The following MIPOL1 variants were observed in gnomAD, a reference collection of about 807,000 sequenced individuals.
MIPOL1 encodes the protein mirror-image polydactyly gene 1 protein.
In MIPOL1, 57 loss-of-function variants were observed where a neutral mutation model predicts 60.9. The observed-to-expected ratio is 0.94, with a 90% CI of 0.76 to 1.17. MIPOL1 has a LOEUF of 1.17. MIPOL1 is among the 50% of genes most tolerant of loss of function. The pLI is 0.00. For missense variants in MIPOL1, 551 were observed against 511.6 expected (o/e 1.08, Z -0.74); for synonymous variants, 179 against 168.8 (o/e 1.06, Z -0.47).
intron 1 of MIPOL1, among the ~76,000 whole-genome samples, chr14:37,230,398 A>G (rs1479750548): frequency 6.6e-6 from 1 of 152,156 alleles, no homozygotes; most frequent in African/African-American, 2.4e-5. Flanking sequence ...TGTTATTGTG[A>G]CCAGTGGAAC....
At chr14:37,380,481 C>A (rs1052143974) in intron 10 of MIPOL1, among the ~76,000 whole-genome samples, 20 of 151,986 alleles carry the variant, frequency 1.3e-4, no homozygotes, top group African/African-American at 4.6e-4. Context: ...ATCATTATAG[C>A]CTATGCAGGT....
At chr14:37,514,623 CT>C (rs753425570) in intron 12 of MIPOL1, among the ~76,000 whole-genome samples, 297 of 143,706 alleles carry the variant, frequency 2.1e-3, no homozygotes, top group Admixed American at 4.8e-3. Flanking sequence ...AAAATATACA[CT>C]TTTTTTTTTT....
At chr14:37,365,677 A>T (rs1210866354) in intron 9 of MIPOL1, among the ~76,000 whole-genome samples, 1 of 151,650 alleles carries the variant, frequency 6.6e-6, no homozygotes, top group African/African-American at 2.4e-5. Flanking sequence ...TCTTTTTTTG[A>T]TGTGTCTTGG....
chr14:37,271,619 A>T (rs1459858130), intron 6 of MIPOL1, among the ~76,000 whole-genome samples: 1 of 151,910 alleles, frequency 6.6e-6, no homozygotes, highest in Non-Finnish European at 1.5e-5. Flanking sequence ...TGTGTGGGAA[A>T]ATATGAAAGT....
At chr14:37,380,289 A>C (rs1254539182) in intron 10 of MIPOL1, among the ~76,000 whole-genome samples, 1 of 152,110 alleles carries the variant, frequency 6.6e-6, no homozygotes, top group Non-Finnish European at 1.5e-5. Flanking sequence ...TTTGTTTTCC[A>C]CAGAATAATT....
At chr14:37,520,761 G>C (rs1462434870) in intron 12 of MIPOL1, among the ~76,000 whole-genome samples, 1 of 151,684 alleles carries the variant, frequency 6.6e-6, no homozygotes, top group Non-Finnish European at 1.5e-5. Context: ...CATGATGTTT[G>C]ACTTCAGCTA....
intron 9 of MIPOL1, among the ~76,000 whole-genome samples, chr14:37,343,412 A>G (rs952003387): frequency 3.3e-5 from 5 of 152,336 alleles, no homozygotes; most frequent in African/African-American, 7.2e-5. Flanking sequence ...AAAAACTTCT[A>G]TAGTCGTAAG....
intron 11 of MIPOL1, among the ~76,000 whole-genome samples, chr14:37,477,045 C>T (rs1410372383): frequency 6.6e-6 from 1 of 151,666 alleles, no homozygotes; most frequent in Non-Finnish European, 1.5e-5. Context: ...AGATTACAGG[C>T]GTGTACCACA....
intron 11 of MIPOL1, among the ~76,000 whole-genome samples, chr14:37,485,522 A>G (rs955883632): frequency 6.6e-6 from 1 of 152,174 alleles, no homozygotes. Context: ...AATGATCACC[A>G]TTCTAACTGG....
At chr14:37,372,545 A>G (rs976310185) in intron 10 of MIPOL1, among the ~76,000 whole-genome samples, 3 of 151,970 alleles carry the variant, frequency 2.0e-5, no homozygotes, top group Admixed American at 2.0e-4. Context: ...CTTGGGGTCA[A>G]GAGTTCTACA....
At chr14:37,288,654 T>TA (rs1876096510) in intron 7 of MIPOL1, among the ~76,000 whole-genome samples, 2 of 152,056 alleles carry the variant, frequency 1.3e-5, no homozygotes, top group African/African-American at 2.4e-5. Flanking sequence ...AAAAATTATT[T>TA]AAAAGATGTA....
intron 1 of MIPOL1, among the ~76,000 whole-genome samples, chr14:37,236,729 C>T (rs756311108): frequency 6.6e-6 from 1 of 152,148 alleles, no homozygotes; most frequent in Non-Finnish European, 1.5e-5. Context: ...TGAGCTACCA[C>T]GCCTGGCCTC....
intron 11 of MIPOL1, among the ~76,000 whole-genome samples, chr14:37,493,306 AT>A: frequency 6.6e-6 from 1 of 152,334 alleles, no homozygotes; most frequent in East Asian, 1.9e-4. Context: ...GAGAATATAA[AT>A]ATCTGCAAGC....
intron 10 of MIPOL1, among the ~76,000 whole-genome samples, chr14:37,415,000 C>G (rs1051911105): frequency 6.6e-6 from 1 of 152,116 alleles, no homozygotes; most frequent in African/African-American, 2.4e-5. Flanking sequence ...CCCCTGCCCC[C>G]AAAACAGAGT....
intron 12 of MIPOL1, among the ~76,000 whole-genome samples, chr14:37,529,642 C>T (rs974974852): frequency 6.6e-6 from 1 of 151,862 alleles, no homozygotes; most frequent in African/African-American, 2.4e-5. Context: ...GGTAATACGG[C>T]GACAAGGAAG....
chr14:37,353,251 G>T (rs1184850961), intron 9 of MIPOL1, among the ~76,000 whole-genome samples: 1 of 141,740 alleles, frequency 7.1e-6, no homozygotes, highest in East Asian at 2.1e-4. Context: ...TCCCAGGGAT[G>T]AAGCCCACTT....
rs57180252 is a variant in MIPOL1, at chr14:37,415,344, C to T, written c.937-7511C>T. 5.6e-3 allele frequency among the ~76,000 whole-genome samples: 849 copies of T among 151,772 alleles called. 12 individuals are homozygous for T. The highest frequency in any genetic ancestry group is 0.019 in the African/African-American group (790 of 41,400). ...GATAAAAATTAGCACAGATTTTGGC[C>T]GGGCATGGTGGCTCACGCCTATAAT... On this transcript the variant is annotated intron_variant, in intron 10 of 12. Transcript: ENST00000684589.
chr14:37,211,175 C>A (rs71449978), intron 1 of MIPOL1, among the ~76,000 whole-genome samples: 2 of 151,398 alleles, frequency 1.3e-5, no homozygotes, highest in African/African-American at 2.4e-5. Context: ...GAATAGAAAG[C>A]TCCACTGCCC....
intron 12 of MIPOL1, among the ~76,000 whole-genome samples, chr14:37,508,070 A>T (rs2153620694): frequency 6.6e-6 from 1 of 152,286 alleles, no homozygotes; most frequent in Non-Finnish European, 1.5e-5. Context: ...TGAGTTTAAG[A>T]GAAATGTTAT....
Sources: gnomAD v4.1 joint callset for allele counts (sites outside exome capture counted in the v4.1 genomes callset) on GRCh38, gnomAD v4.1.1 for gene constraint, MANE v1.5 for transcripts, NCBI Gene and HGNC (gene_info 2026-07-23, HGNC 2026-07-21) for gene names.